Variants in FRMPD2 observed in about 807,000 individuals in gnomAD.
FRMPD2 encodes the protein FERM and PDZ domain containing 2, also known as FERM and PDZ domain-containing protein 2.
In FRMPD2, 96 loss-of-function variants were observed where a neutral mutation model predicts 140.1. That is an observed-to-expected ratio of 0.69 (90% CI 0.58 to 0.81). FRMPD2 has a LOEUF of 0.81. Among genes scored for constraint, FRMPD2 ranks in the 40% least tolerant of loss-of-function variants. The probability of loss-of-function intolerance (pLI) is 0.00; values close to 1 mark genes in which losing one functional copy is unlikely to be tolerated. For missense variants in FRMPD2, 1,240 were observed against 1,447.4 expected, an observed-to-expected ratio of 0.86 and a Z score of 2.32; for synonymous variants, 449 against 547.6, an observed-to-expected ratio of 0.82 and a Z score of 2.52.
chr10:48,261,243 G>C (rs1348607509), intron 1 of FRMPD2, among the ~76,000 whole-genome samples: 1 of 152,026 alleles, frequency 6.6e-6, no homozygotes, highest in Non-Finnish European at 1.5e-5. Flanking sequence ...TAATGGCTGA[G>C]AATATTTCAA....
chr10:48,183,316 A>G (rs1448302237), intron 20 of FRMPD2, among the ~76,000 whole-genome samples: 1 of 152,174 alleles, frequency 6.6e-6, no homozygotes, highest in Non-Finnish European at 1.5e-5. Context: ...CCAACCAAAA[A>G]GCAGCATTGG....
chr10:48,224,183 C>A (rs1839672163), intron 10 of FRMPD2, among the ~76,000 whole-genome samples: 1 of 152,148 alleles, frequency 6.6e-6, no homozygotes, highest in Admixed American at 6.5e-5. Context: ...TCAGCCCCAG[C>A]CACTGAAGGC....
intron 1 of FRMPD2, among the ~76,000 whole-genome samples, chr10:48,272,105 T>C (rs1228675054): frequency 4.6e-5 from 7 of 152,208 alleles, no homozygotes; most frequent in Non-Finnish European, 1.0e-4. Context: ...GCAGTTGAAT[T>C]CATAGTCATC....
intron 15 of FRMPD2, among the ~76,000 whole-genome samples, chr10:48,200,744 C>T (rs1588825813): frequency 1.3e-5 from 2 of 152,316 alleles, no homozygotes; most frequent in East Asian, 3.9e-4. Context: ...TTTCACATAT[C>T]ATCATTGTCC....
chr10:48,229,096 G>A (rs551882600), intron 10 of FRMPD2, among the ~76,000 whole-genome samples: 2 of 152,148 alleles, frequency 1.3e-5, no homozygotes, highest in East Asian at 3.9e-4. Context: ...TTATATTGCA[G>A]TATTAGCCTC....
chr10:48,174,127 C>A (rs572773445), intron 24 of FRMPD2, among the ~76,000 whole-genome samples: 5 of 152,130 alleles, frequency 3.3e-5, no homozygotes, highest in Non-Finnish European at 5.9e-5. Flanking sequence ...GGAAAGAAAG[C>A]GAAAAGTGGC....
chr10:48,239,729 C>A, intron 6 of FRMPD2, 37 bp from the exon 7 acceptor site: 1 of 1,496,988 alleles, frequency 6.7e-7, no homozygotes, highest in Non-Finnish European at 9.3e-7. Context: ...TGGGCAGAAG[C>A]CAAGATCACG....
chr10:48,192,944 TGGATCC>T (rs1838869319), intron 15 of FRMPD2, 50 bp from the exon 16 acceptor site: 2 of 1,360,596 alleles, frequency 1.5e-6, no homozygotes, highest in African/African-American at 2.9e-5. Context: ...AGAATGATGC[TGGATCC>T]ATTGCTCTGG....
chr10:48,234,465 C>A (rs148083604), intron 9 of FRMPD2, among the ~76,000 whole-genome samples: 1 of 152,082 alleles, frequency 6.6e-6, no homozygotes, highest in Non-Finnish European at 1.5e-5. Flanking sequence ...TTCCCAACAC[C>A]CACAGGGAAG....
intron 9 of FRMPD2, among the ~76,000 whole-genome samples, chr10:48,234,910 C>A (rs1362078040): frequency 1.3e-5 from 2 of 152,188 alleles, no homozygotes; most frequent in African/African-American, 4.8e-5. Context: ...TGGCCCCCAT[C>A]ACAGCAGGTC....
intron 16 of FRMPD2, 82 bp downstream of exon 16, chr10:48,192,601 TA>T: frequency 1.6e-6 from 2 of 1,246,696 alleles, no homozygotes; most frequent in Non-Finnish European, 2.3e-6. Context: ...AAAAAAAAAA[TA>T]AAATAAATCT....
At chr10:48,215,492 C>T (rs756945231) in intron 12 of FRMPD2, among the ~76,000 whole-genome samples, 11 of 152,332 alleles carry the variant, frequency 7.2e-5, no homozygotes, top group South Asian at 2.1e-4. Context: ...TAAATAGCAC[C>T]GGCTTTTCCG....
At chr10:48,221,102 G>A in intron 12 of FRMPD2, among the ~76,000 whole-genome samples, 1 of 152,246 alleles carries the variant, frequency 6.6e-6, no homozygotes, top group East Asian at 1.9e-4. Flanking sequence ...TCTACCCAGA[G>A]GAAAAGAAGT....
At chr10:48,212,158 G>A (rs1434438902) in intron 12 of FRMPD2, 49 bp from the exon 13 acceptor site, 2 of 1,582,008 alleles carry the variant, frequency 1.3e-6, no homozygotes, top group South Asian at 2.3e-5. Flanking sequence ...CACTGGCCGG[G>A]GGACTCTGAG....
intron 14 of FRMPD2, 118 bp downstream of exon 14, chr10:48,206,630 C>T (rs1839204995): frequency 2.7e-6 from 2 of 742,160 alleles, no homozygotes; most frequent in South Asian, 3.6e-5. Context: ...AACAGACAGG[C>T]TGTGAGAATG....
intron 25 of FRMPD2, 104 bp from the exon 26 acceptor site, chr10:48,171,312 C>T (rs1324423602): frequency 3.0e-5 from 22 of 726,534 alleles, no homozygotes; most frequent in East Asian, 2.7e-5. Flanking sequence ...ATTTCTTTTA[C>T]GTTCAAATAA....
At chr10:48,218,529 C>T (rs915896704) in intron 12 of FRMPD2, among the ~76,000 whole-genome samples, 8 of 152,046 alleles carry the variant, frequency 5.3e-5, no homozygotes, top group Admixed American at 1.3e-4. Flanking sequence ...ATCCCTGCCT[C>T]CTAGGGTGAC....
At chr10:48,228,353 G>A (rs1342680856) in intron 10 of FRMPD2, among the ~76,000 whole-genome samples, 1 of 151,524 alleles carries the variant, frequency 6.6e-6, no homozygotes, top group Non-Finnish European at 1.5e-5. Flanking sequence ...AATCTTTTTG[G>A]TTACTTAAAA....
rs912294812 is a variant in FRMPD2 at position 48,192,739 on chromosome 10, C to T, written c.2110G>A (p.Asp704Asn). ...AAGGLLSTSMDNFNVDGSKEA... is the reference protein window; with the variant it reads ...AAGGLLSTSMNNFNVDGSKEA... ...TTGCTGCCGTCCACGTTGAAGTTAT[C>T]CATTGATGTACTCAGCAGGCCTCCT... The change falls in exon 16 of 29, where the codon GAT becomes AAT. Residue 704 changes from aspartate to asparagine, a missense_variant. Physicochemically the swap from Asp to Asn is conservative, Grantham distance 23. Transcript: ENST00000374201. 1.9e-6 allele frequency: 3 copies of T among 1,614,058 alleles called. No homozygotes were observed. In the Admixed American group the frequency reaches 5.0e-5, roughly 27 times the overall value.
Sources: gnomAD v4.1 joint callset for allele counts (sites outside exome capture counted in the v4.1 genomes callset) on GRCh38, gnomAD v4.1.1 for gene constraint, MANE v1.5 for transcripts, NCBI Gene and HGNC (gene_info 2026-07-23, HGNC 2026-07-21) for gene names.